TOMM20: variants seen among roughly 807,000 people sequenced by gnomAD.
TOMM20 encodes translocase of outer mitochondrial membrane 20.
Under a neutral mutation model 22.1 loss-of-function variants are expected in TOMM20, and 10 were observed. That is an observed-to-expected ratio of 0.45 (90% confidence interval 0.28 to 0.77). The LOEUF is 0.77. TOMM20 is among the 30% of genes least tolerant of loss of function. TOMM20 has a pLI of 0.13. For synonymous variants in TOMM20, 55 were observed against 61.4 expected (o/e 0.90, Z 0.49); for missense variants, 121 against 172.2 (o/e 0.70, Z 1.66).
In TOMM20 at chr1:235,110,712, G is replaced by C. The variant is rs187893227; in HGVS notation, c.*1352C>G. The C allele has an allele frequency of 1.6e-4, 25 of 152,282 alleles. No homozygotes were observed. Among genetic ancestry groups the C allele is most frequent in the African/African-American group, 6.0e-4 (25 of 41,558 alleles). The allele number at this position is 152,282 out of a possible 1,614,324, so 9.4% of individuals were successfully genotyped here. On this transcript the variant is annotated 3_prime_UTR_variant, in exon 5 of 5. Transcript: ENST00000366607. ...AACCGAGATTGATAATGATTAAGAAGAGTTTGTAAGTCAATCAAAATAAAA... is the reference window on the plus strand; with the variant it reads ...AACCGAGATTGATAATGATTAAGAACAGTTTGTAAGTCAATCAAAATAAAA...
At chr1:235,113,637 T>C in intron 4 of TOMM20, 131 bp downstream of exon 4, 3 of 1,166,238 alleles carry the variant, frequency 2.6e-6, no homozygotes, top group Non-Finnish European at 3.5e-6. Context: ...CAAGCGCTGA[T>C]ATCTCCCATA....
At chr1:235,116,893 T>C (rs1164845186) in intron 3 of TOMM20, among the ~76,000 whole-genome samples, 2 of 152,044 alleles carry the variant, frequency 1.3e-5, no homozygotes, top group Non-Finnish European at 2.9e-5. Context: ...CCCAGCACTT[T>C]GGGAGGCCAA....
In TOMM20 at chr1:235,113,756, C is replaced by A. The variant is rs375722146; in HGVS notation, c.393+12G>T. On this transcript the variant is annotated intron_variant, in intron 4 of 4. Transcript: ENST00000366607. ...CCACTCACTTTTATGTCATAACATTCCAATTCCTTACCTGACTAATTGTTG... is the reference window on the plus strand; with the variant it reads ...CCACTCACTTTTATGTCATAACATTACAATTCCTTACCTGACTAATTGTTG... 7.5e-6 allele frequency: 12 copies of A among 1,599,446 alleles called. No homozygotes were observed. The highest frequency in any genetic ancestry group is 1.0e-5 in the Non-Finnish European group (12 of 1,175,010).
At chr1:235,124,047 C>T (rs2102812734) in intron 1 of TOMM20, among the ~76,000 whole-genome samples, 1 of 152,306 alleles carries the variant, frequency 6.6e-6, no homozygotes, top group South Asian at 2.1e-4. Flanking sequence ...ATCCTCACAA[C>T]AACATTAAAA....
intron 3 of TOMM20, among the ~76,000 whole-genome samples, chr1:235,114,945 C>A (rs1480265505): frequency 1.3e-5 from 2 of 152,154 alleles, no homozygotes; most frequent in Non-Finnish European, 2.9e-5. Flanking sequence ...TCTTGGCTGA[C>A]TGCAGCCTCA....
chr1:235,124,141 G>C (rs962560893), intron 1 of TOMM20, among the ~76,000 whole-genome samples: 1 of 152,242 alleles, frequency 6.6e-6, no homozygotes, highest in Non-Finnish European at 1.5e-5. Context: ...GAGGTCAGGA[G>C]TTCAAGACCA....
intron 3 of TOMM20, among the ~76,000 whole-genome samples, chr1:235,116,237 C>T (rs1382012357): frequency 6.6e-6 from 1 of 151,822 alleles, no homozygotes; most frequent in Non-Finnish European, 1.5e-5. Context: ...AACTCCATCT[C>T]TACTAAAAAT....
intron 1 of TOMM20, among the ~76,000 whole-genome samples, chr1:235,127,179 C>T (rs554732495): frequency 6.6e-6 from 1 of 152,264 alleles, no homozygotes; most frequent in South Asian, 2.1e-4. Context: ...AGGACAATAA[C>T]CCGAAGGCAG....
At chr1:235,124,311 C>T (rs985868425) in intron 1 of TOMM20, among the ~76,000 whole-genome samples, 14 of 152,236 alleles carry the variant, frequency 9.2e-5, no homozygotes, top group Non-Finnish European at 1.5e-4. Context: ...AGCGCCACTG[C>T]GCTCCAGCCT....
rs939776877 is a variant in TOMM20, at chr1:235,110,248, T to C, written c.*1816A>G. ...TCCCCAAACTTAAGCTGCCCCTCAC[T>C]CCTCCAGCCAGCCCTCCTTTTTCTG... On this transcript the variant is annotated 3_prime_UTR_variant, in exon 5 of 5. Coordinates refer to ENST00000366607, the MANE Select transcript of TOMM20 (RefSeq NM_014765.3). The C allele has an allele frequency of 6.6e-6, 1 of 152,064 alleles. No individual in the cohort carries two copies. The highest frequency in any genetic ancestry group is 2.4e-5 in the African/African-American group (1 of 41,396). The allele number at this position is 152,064 out of a possible 1,614,324, so 9.4% of individuals were successfully genotyped here.
At chr1:235,127,734 C>A in intron 1 of TOMM20, 1 of 378,644 alleles carries the variant, frequency 2.6e-6, no homozygotes, top group Non-Finnish European at 5.4e-6. Flanking sequence ...AATGAAGATT[C>A]TCCGAAAATT....
chr1:235,124,317 A>T (rs1660978074), intron 1 of TOMM20, among the ~76,000 whole-genome samples: 1 of 152,262 alleles, frequency 6.6e-6, no homozygotes, highest in Non-Finnish European at 1.5e-5. Flanking sequence ...ACTGCGCTCC[A>T]GCCTGGGCCA....
Position 235,112,112 on chromosome 1 carries a change from AAAG to A in TOMM20, c.394-7_394-5del. 6.3e-7 allele frequency: 1 copy of A among 1,599,686 alleles called. No individual in the cohort carries two copies. Among genetic ancestry groups the A allele is most frequent in the Non-Finnish European group, 8.5e-7 (1 of 1,174,248 alleles). The stretch of plus-strand genomic sequence containing the variant: ...AGCTCTGAGCACTTACAATTCTCTG[AAAG>A]AAAAAAAAAATAATTTTTTAAAGTG... On this transcript the variant is annotated splice_region_variant and splice_polypyrimidine_tract_variant and intron_variant, in intron 4 of 4. Transcript: ENST00000366607.
At chr1:235,123,613 G>A (rs1204134496) in intron 1 of TOMM20, among the ~76,000 whole-genome samples, 1 of 152,168 alleles carries the variant, frequency 6.6e-6, no homozygotes, top group Admixed American at 6.5e-5. Context: ...TCCCATAATA[G>A]AGTGCTACCA....
chr1:235,120,040 T>C (rs2102810811), intron 2 of TOMM20, 141 bp from the exon 3 acceptor site: 1 of 528,624 alleles, frequency 1.9e-6, no homozygotes, highest in East Asian at 3.0e-5. Flanking sequence ...TACTCCTGAA[T>C]ACTTGTAGGA....
chr1:235,120,050 A>G lies in TOMM20; in HGVS notation c.169-151T>C, dbSNP rs1016733907. On this transcript the variant is annotated intron_variant, in intron 2 of 4. Coordinates refer to ENST00000366607, the MANE Select transcript of TOMM20 (RefSeq NM_014765.3). ...AACTTTACTCCTGAATACTTGTAGG[A>G]ATTAAGAGTTCATCTACATTCAAAT... 1.7e-4 allele frequency: 87 copies of G among 513,280 alleles called. No homozygotes were observed. In the East Asian group the frequency reaches 2.6e-3, roughly 15 times the overall value. 31.8% of individuals were successfully genotyped at this position (513,280 alleles called of 1,614,324 possible). A position where few individuals can be genotyped will look rare whatever the true frequency, so the allele number is the denominator to read the frequency against.
chr1:235,128,798 C>A lies in TOMM20; in HGVS notation c.-83G>T, dbSNP rs1044067276. 49 of 1,580,360 alleles carry A rather than the reference C, an allele frequency of 3.1e-5. No homozygotes were observed. In the Admixed American group the frequency reaches 5.8e-4, roughly 19 times the overall value. ...CCACGAACCCTCAGAGCGGTCGGCG[C>A]AGCTCACACCCGACGGCCGCGGGCC... On this transcript the variant is annotated 5_prime_UTR_variant, in exon 1 of 5. Transcript: ENST00000366607.
At chr1:235,112,495 C>T (rs902066636) in intron 4 of TOMM20, among the ~76,000 whole-genome samples, 17 of 152,134 alleles carry the variant, frequency 1.1e-4, no homozygotes, top group African/African-American at 2.7e-4. Context: ...ACTCATGCCA[C>T]CATGCCCGGC....
At chr1:235,121,887 G>C (rs1023054917) in intron 2 of TOMM20, among the ~76,000 whole-genome samples, 1 of 152,136 alleles carries the variant, frequency 6.6e-6, no homozygotes, top group African/African-American at 2.4e-5. Flanking sequence ...AAATTTGTCA[G>C]GGCAGTGGGA....
Sources: allele counts gnomAD v4.1 joint callset (sites outside exome capture counted in the v4.1 genomes callset), GRCh38; gene constraint gnomAD v4.1.1; transcripts MANE v1.5; gene names NCBI Gene and HGNC (gene_info 2026-07-23, HGNC 2026-07-21).